PDE10A: variants seen among roughly 807,000 people sequenced by gnomAD.
PDE10A encodes the protein phosphodiesterase 10A.
A neutral mutation model predicts 97.7 loss-of-function variants in PDE10A; 39 were observed. That is an observed-to-expected ratio of 0.40 (90% CI 0.31 to 0.52). The LOEUF (loss-of-function observed/expected upper bound fraction) is 0.52. Ranked by LOEUF, PDE10A falls within the 20% of genes least tolerant of loss-of-function variation. The pLI, the probability that PDE10A is intolerant of heterozygous loss-of-function variation, is 0.56. For missense variants in PDE10A, 731 were observed against 1,047.8 expected, an observed-to-expected ratio of 0.70 and a Z score of 4.17; for synonymous variants, 371 against 376.8, an observed-to-expected ratio of 0.98 and a Z score of 0.18.
At chr6:165,800,551 G>A (rs1458514377) in intron 1 of PDE10A, among the ~76,000 whole-genome samples, 1 of 152,178 alleles carries the variant, frequency 6.6e-6, no homozygotes, top group East Asian at 1.9e-4. Context: ...AGCCTTTCCA[G>A]AATCTGGTTA....
At position 165,388,718 on chromosome 6, in the gene PDE10A, AG is replaced by A. The variant is rs953733200; in HGVS notation, c.2455-266del. 2.6e-5 allele frequency among the ~76,000 whole-genome samples: 4 copies of A among 152,180 alleles called. No homozygotes were observed. Among genetic ancestry groups the A allele is most frequent in the South Asian group, 2.1e-4 (1 of 4,828 alleles). ...ATTTTTGAGTTTCTCTCTCAACTCTAGGAAAAGGTGCAGGAGGTATCAACTT... is the reference window on the plus strand; with the variant it reads ...ATTTTTGAGTTTCTCTCTCAACTCTAGAAAAGGTGCAGGAGGTATCAACTT... On this transcript the variant is annotated intron_variant, in intron 16 of 21. Transcript: ENST00000539869. This position sits in a 1 kb window ranked among gnomAD's most constrained non-coding sequence, Gnocchi z 4.0.
chr6:165,453,998 C>T (rs532703226), intron 3 of PDE10A, among the ~76,000 whole-genome samples: 1 of 152,320 alleles, frequency 6.6e-6, no homozygotes, highest in South Asian at 2.1e-4. Context: ...GGAGCCTAAC[C>T]CCAACTCCAG....
rs200237321 is a variant in PDE10A at position 165,831,478 on chromosome 6, C to CTTTT, written c.-615+156047_-615+156050dup. On this transcript the variant is annotated intron_variant, in intron 1 of 19. Coordinates refer to the PDE10A transcript ENST00000366882. ...CTGTATTCTGAAAAATTGCAGGAGT[C>CTTTT]TTTTTTTTTTTTTATTTGAGACGGA... 8.2e-5 allele frequency among the ~76,000 whole-genome samples: 11 copies of CTTTT among 133,828 alleles called. No individual in the cohort carries two copies. In the East Asian group the frequency reaches 1.3e-3, roughly 16 times the overall value. 87.8% of individuals were successfully genotyped at this position (133,828 alleles called of 152,430 possible). A position where few individuals can be genotyped will look rare whatever the true frequency, so the allele number is the denominator to read the frequency against.
At chr6:165,688,325 A>G (rs1791179335) in intron 1 of PDE10A, among the ~76,000 whole-genome samples, 2 of 152,228 alleles carry the variant, frequency 1.3e-5, no homozygotes, top group Admixed American at 6.5e-5. Flanking sequence ...TCAAGAGAGC[A>G]AAAACGCAAA....
At chr6:165,903,360 T>C (rs1022092774) in intron 1 of PDE10A, among the ~76,000 whole-genome samples, 7 of 152,166 alleles carry the variant, frequency 4.6e-5, no homozygotes, top group African/African-American at 1.7e-4. Flanking sequence ...ATAGTGAAGA[T>C]GGAGGAAAGT....
intron 5 of PDE10A, among the ~76,000 whole-genome samples, chr6:165,446,785 A>G (rs994015182): frequency 1.3e-5 from 2 of 152,144 alleles, no homozygotes; most frequent in African/African-American, 4.8e-5. Context: ...AGGGATATTA[A>G]GTTGAAGAAG....
At chr6:165,353,250 A>G (rs556819236) in intron 18 of PDE10A, among the ~76,000 whole-genome samples, 2 of 152,354 alleles carry the variant, frequency 1.3e-5, no homozygotes, top group Admixed American at 1.3e-4. Flanking sequence ...GCAAAAAGGT[A>G]CAGCCATTGT....
intron 1 of PDE10A, among the ~76,000 whole-genome samples, chr6:165,851,827 A>T (rs920560720): frequency 6.6e-6 from 1 of 152,194 alleles, no homozygotes; most frequent in African/African-American, 2.4e-5. Flanking sequence ...ACAGTGGCTC[A>T]TGCCTGTAAT....
chr6:165,496,475 G>A (rs1334937020), intron 2 of PDE10A, among the ~76,000 whole-genome samples: 1 of 152,138 alleles, frequency 6.6e-6, no homozygotes, highest in Non-Finnish European at 1.5e-5. Flanking sequence ...AAAATGAGAT[G>A]ATTTAGGATA....
chr6:165,937,826 C>T (rs963289279), intron 1 of PDE10A, among the ~76,000 whole-genome samples: 3 of 152,154 alleles, frequency 2.0e-5, no homozygotes, highest in African/African-American at 4.8e-5. Context: ...CAATTAAGGA[C>T]CTACAAACTG....
At chr6:165,377,004 T>G (rs1200121711) in intron 18 of PDE10A, among the ~76,000 whole-genome samples, 1 of 152,312 alleles carries the variant, frequency 6.6e-6, no homozygotes, top group East Asian at 1.9e-4. Flanking sequence ...CCACCAATAC[T>G]GAGGCAAGAC....
At chr6:165,608,638 G>A (rs1040286563) in intron 1 of PDE10A, among the ~76,000 whole-genome samples, 2 of 152,056 alleles carry the variant, frequency 1.3e-5, no homozygotes, top group African/African-American at 4.8e-5. Context: ...GTAATGGGAT[G>A]GCTGGGTCAA....
intron 1 of PDE10A, among the ~76,000 whole-genome samples, chr6:165,648,599 C>T (rs557484628): frequency 6.6e-6 from 1 of 152,062 alleles, no homozygotes; most frequent in African/African-American, 2.4e-5. Flanking sequence ...AACCCAGATA[C>T]AAGAAGTCAC....
chr6:165,376,709 G>A (rs1447720909), intron 18 of PDE10A, among the ~76,000 whole-genome samples: 1 of 152,152 alleles, frequency 6.6e-6, no homozygotes, highest in Non-Finnish European at 1.5e-5. Flanking sequence ...GAGGCCAGGA[G>A]TTTGAGACCA....
chr6:165,687,606 G>A (rs1791156778), intron 1 of PDE10A, among the ~76,000 whole-genome samples: 1 of 152,142 alleles, frequency 6.6e-6, no homozygotes, highest in Non-Finnish European at 1.5e-5. Flanking sequence ...CTTTCTACAA[G>A]CACACAATAC....
chr6:165,740,329 A>ATT (rs1792688323), intron 1 of PDE10A, among the ~76,000 whole-genome samples: 1 of 151,946 alleles, frequency 6.6e-6, no homozygotes, highest in African/African-American at 2.4e-5. Flanking sequence ...AGAGAGAGAG[A>ATT]GAGAGAGAGA....
Position 165,433,077 on chromosome 6 carries a change from G to A in PDE10A, c.1388C>T (p.Ser463Phe). 1 of 1,613,320 alleles carries A rather than the reference G, an allele frequency of 6.2e-7. No individual in the cohort carries two copies. Among genetic ancestry groups the A allele is most frequent in the Non-Finnish European group, 8.5e-7 (1 of 1,179,366 alleles). The change falls in exon 7 of 22, where the codon TCT becomes TTT. Residue 463 changes from serine to phenylalanine, a missense_variant. By Grantham distance (155) the Ser-to-Phe change is radical. Transcript: ENST00000539869. Reference protein sequence around the residue: ...TGLESGTRIQSVLCLPIVTAI... With the variant: ...TGLESGTRIQFVLCLPIVTAI... ...AGTGACAATTGGTAAGCAAAGAACA[G>A]ACTGGATACGAGTCCCTGATTCCAG...
intron 18 of PDE10A, among the ~76,000 whole-genome samples, chr6:165,370,356 T>A (rs1463799240): frequency 6.8e-6 from 1 of 147,236 alleles, no homozygotes; most frequent in Non-Finnish European, 1.5e-5. Flanking sequence ...GAGACACACA[T>A]AGGCTCAAAA....
intron 1 of PDE10A, among the ~76,000 whole-genome samples, chr6:165,875,653 T>C (rs1376286441): frequency 6.6e-6 from 1 of 152,142 alleles, no homozygotes; most frequent in African/African-American, 2.4e-5. Flanking sequence ...CCTTTTTCTG[T>C]ACCTGTCATC....
Sources: allele counts gnomAD v4.1 joint callset (sites outside exome capture counted in the v4.1 genomes callset), GRCh38; gene constraint gnomAD v4.1.1; non-coding constraint Gnocchi (gnomAD v3.1); transcripts MANE v1.5; gene names NCBI Gene and HGNC (gene_info 2026-07-23, HGNC 2026-07-21).